The following TENM4 variants were observed in gnomAD, a reference collection of about 807,000 sequenced individuals.
TENM4 encodes teneurin transmembrane protein 4.
TENM4 carries 82 observed loss-of-function variants against 243.3 expected under a neutral mutation model. That is an observed-to-expected ratio of 0.34 (90% CI 0.28 to 0.40). The LOEUF (loss-of-function observed/expected upper bound fraction) is 0.40. TENM4 is among the 10% of genes least tolerant of loss of function. TENM4 has a pLI of 1.00. For missense variants in TENM4, 3,138 were observed against 3,673.3 expected, an observed-to-expected ratio of 0.85 and a Z score of 3.77; for synonymous variants, 1,412 against 1,456.3, an observed-to-expected ratio of 0.97 and a Z score of 0.69.
chr11:78,891,850 T>G (rs1303770728), intron 7 of TENM4, among the ~76,000 whole-genome samples: 1 of 152,172 alleles, frequency 6.6e-6, no homozygotes, highest in African/African-American at 2.4e-5. Flanking sequence ...AGACACTCAT[T>G]TGGCTAGTCC....
chr11:79,025,133 A>G (rs73504637), intron 6 of TENM4, among the ~76,000 whole-genome samples: 3,963 of 152,300 alleles, frequency 0.026, 119 homozygotes, highest in East Asian at 0.075. Context: ...ACTTCTTGCC[A>G]TAAGATTTGG....
chr11:78,776,787 G>A (rs1327433464), intron 17 of TENM4, among the ~76,000 whole-genome samples: 2 of 152,080 alleles, frequency 1.3e-5, no homozygotes, highest in Non-Finnish European at 2.9e-5. Flanking sequence ...AGCAGAGCAG[G>A]TGATTTGAGA....
intron 6 of TENM4, among the ~76,000 whole-genome samples, chr11:78,981,039 C>T (rs1857780381): frequency 6.6e-6 from 1 of 152,168 alleles, no homozygotes. Flanking sequence ...CCACAATAAT[C>T]TCTCCCCCAT....
chr11:79,281,313 G>A (rs1026090353), intron 2 of TENM4, among the ~76,000 whole-genome samples: 4 of 152,200 alleles, frequency 2.6e-5, no homozygotes, highest in African/African-American at 4.8e-5. Context: ...ATTTGTCTAC[G>A]GTCAAGCAGC....
chr11:79,117,936 A>T (rs1195315105), intron 4 of TENM4, among the ~76,000 whole-genome samples: 2 of 152,090 alleles, frequency 1.3e-5, no homozygotes, highest in African/African-American at 4.8e-5. Context: ...ACATAAGAAG[A>T]CCCAGGGAAG....
chr11:78,687,919 G>T, intron 29 of TENM4, 135 bp downstream of exon 29: 1 of 1,025,662 alleles, frequency 9.7e-7, no homozygotes, highest in Non-Finnish European at 1.4e-6. Context: ...TGCAAATTAG[G>T]TGATAATACA....
At chr11:78,778,574 C>T in intron 17 of TENM4, 28 bp downstream of exon 17, 1 of 1,608,298 alleles carries the variant, frequency 6.2e-7, no homozygotes, top group Non-Finnish European at 8.5e-7. Context: ...ACAAAGACAA[C>T]AGGAAAATAG....
chr11:79,430,899 C>T (rs1282768421), intron 1 of TENM4, among the ~76,000 whole-genome samples: 4 of 152,120 alleles, frequency 2.6e-5, no homozygotes, highest in Admixed American at 6.6e-5. Context: ...AACATCTAGG[C>T]CTTGAAGGCA....
intron 12 of TENM4, among the ~76,000 whole-genome samples, chr11:78,820,464 C>T (rs539884370): frequency 6.6e-6 from 1 of 152,294 alleles, no homozygotes; most frequent in East Asian, 1.9e-4. Context: ...TTACTTTCCT[C>T]ATTTGTGAAA....
chr11:78,790,156 A>G (rs1857022724), intron 15 of TENM4, among the ~76,000 whole-genome samples: 1 of 152,238 alleles, frequency 6.6e-6, no homozygotes, highest in African/African-American at 2.4e-5. Flanking sequence ...CTCAGTCCAG[A>G]TAAAGCACAA....
At chr11:78,957,350 T>A (rs548079046) in intron 6 of TENM4, among the ~76,000 whole-genome samples, 1 of 152,268 alleles carries the variant, frequency 6.6e-6, no homozygotes, top group East Asian at 1.9e-4. Flanking sequence ...ACGAAATTCA[T>A]AGTGAAAGAA....
At chr11:79,312,114 T>C (rs974901544) in intron 1 of TENM4, among the ~76,000 whole-genome samples, 1 of 152,148 alleles carries the variant, frequency 6.6e-6, no homozygotes, top group Non-Finnish European at 1.5e-5. Context: ...GAAGCTTCCC[T>C]ATTAAGCTGG....
At chr11:79,263,239 C>T (rs1855829083) in intron 2 of TENM4, among the ~76,000 whole-genome samples, 1 of 152,202 alleles carries the variant, frequency 6.6e-6, no homozygotes, top group African/African-American at 2.4e-5. Context: ...TCTGCTCTGG[C>T]CGTCTGACTC....
At chr11:79,296,347 C>T (rs1856453986) in intron 2 of TENM4, among the ~76,000 whole-genome samples, 1 of 152,196 alleles carries the variant, frequency 6.6e-6, no homozygotes, top group South Asian at 2.1e-4. Flanking sequence ...TCACTCCTTC[C>T]ACCCATGGTG....
chr11:78,932,300 G>C (rs946042746), intron 6 of TENM4, among the ~76,000 whole-genome samples: 50 of 152,178 alleles, frequency 3.3e-4, no homozygotes, highest in African/African-American at 1.2e-3. Context: ...AGCCCTATGA[G>C]ATGATGGGCT....
At chr11:79,170,583 G>A (rs1420401390) in intron 3 of TENM4, among the ~76,000 whole-genome samples, 1 of 152,186 alleles carries the variant, frequency 6.6e-6, no homozygotes, top group African/African-American at 2.4e-5. Context: ...CATGCACACA[G>A]GGAGAATGTC....
chr11:78,713,403 T>C (rs1460722144), intron 25 of TENM4, among the ~76,000 whole-genome samples: 1 of 152,222 alleles, frequency 6.6e-6, no homozygotes, highest in Non-Finnish European at 1.5e-5. Context: ...GATGGTTCTG[T>C]TTCTGGAAAA....
intron 6 of TENM4, among the ~76,000 whole-genome samples, chr11:79,003,994 G>GAAA (rs34985685): frequency 0.016 from 2,155 of 130,940 alleles, 40 homozygotes; most frequent in African/African-American, 0.043. Context: ...TCTAATTTCA[G>GAAA]AAAAAAAAAA....
intron 4 of TENM4, among the ~76,000 whole-genome samples, chr11:79,132,442 C>T (rs1190355829): frequency 6.7e-6 from 1 of 149,988 alleles, no homozygotes; most frequent in East Asian, 1.9e-4. Flanking sequence ...GTCATCAAGA[C>T]AGAAAGTCAG....
Sources: gnomAD v4.1 joint callset for allele counts (sites outside exome capture counted in the v4.1 genomes callset) on GRCh38, gnomAD v4.1.1 for gene constraint, MANE v1.5 for transcripts, NCBI Gene and HGNC (gene_info 2026-07-23, HGNC 2026-07-21) for gene names.